Variants in PLEKHG4B observed in about 807,000 individuals in gnomAD.
PLEKHG4B encodes the protein pleckstrin homology and RhoGEF domain containing G4B, also known as pleckstrin homology domain-containing family G member 4B.
Under a neutral mutation model 121.3 loss-of-function variants are expected in PLEKHG4B, and 111 were observed. The observed-to-expected ratio is 0.92, with a 90% confidence interval of 0.78 to 1.07. PLEKHG4B has a LOEUF of 1.07. PLEKHG4B is among the 50% of genes least tolerant of loss of function. PLEKHG4B has a pLI of 0.00. For missense variants in PLEKHG4B, 1,831 were observed against 1,757.8 expected, an observed-to-expected ratio of 1.04 and a Z score of -0.74; for synonymous variants, 738 against 725.0, an observed-to-expected ratio of 1.02 and a Z score of -0.29.
intron 1 of PLEKHG4B, among the ~76,000 whole-genome samples, chr5:93,963 T>A (rs1435368728): frequency 1.3e-5 from 2 of 152,168 alleles, no homozygotes; most frequent in Admixed American, 1.3e-4. Flanking sequence ...ACTGCCTCCC[T>A]CCTTCCAAAC....
At chr5:122,970 C>G (rs761296819) in intron 2 of PLEKHG4B, among the ~76,000 whole-genome samples, 25 of 151,932 alleles carry the variant, frequency 1.6e-4, no homozygotes, top group Non-Finnish European at 3.1e-4. Context: ...GATTTTTTAC[C>G]CTCTCCTCTC....
intron 13 of PLEKHG4B, among the ~76,000 whole-genome samples, chr5:166,391 C>T (rs1483896236): frequency 1.5e-4 from 18 of 116,144 alleles, no homozygotes; most frequent in Admixed American, 4.9e-4. Context: ...CACAGTAATC[C>T]TCTGACGGGG....
At chr5:97,629 G>A (rs1000077255) in intron 1 of PLEKHG4B, among the ~76,000 whole-genome samples, 4 of 152,140 alleles carry the variant, frequency 2.6e-5, no homozygotes, top group East Asian at 1.9e-4. Context: ...TCGGTATTTC[G>A]TATCTTTTCA....
At chr5:105,623 C>T (rs9986204) in intron 1 of PLEKHG4B, among the ~76,000 whole-genome samples, 4 of 152,206 alleles carry the variant, frequency 2.6e-5, no homozygotes, top group East Asian at 1.9e-4. Context: ...AAAGGGAATT[C>T]GCTTTTCGTT....
chr5:96,879 C>A (rs1306535666), intron 1 of PLEKHG4B, among the ~76,000 whole-genome samples: 6 of 152,196 alleles, frequency 3.9e-5, no homozygotes, highest in African/African-American at 1.4e-4. Flanking sequence ...AAAATTAGCA[C>A]AATTTCCACA....
intron 18 of PLEKHG4B, among the ~76,000 whole-genome samples, chr5:174,951 C>T (rs1736708345): frequency 6.6e-6 from 1 of 152,096 alleles, no homozygotes; most frequent in Non-Finnish European, 1.5e-5. Context: ...TGTCCATTTT[C>T]TTCCCCATGG....
chr5:149,488 C>T (rs771100307), intron 6 of PLEKHG4B, among the ~76,000 whole-genome samples: 2 of 152,104 alleles, frequency 1.3e-5, no homozygotes, highest in Non-Finnish European at 2.9e-5. Context: ...CTGCAGTGAG[C>T]CATGGTCATG....
intron 14 of PLEKHG4B, among the ~76,000 whole-genome samples, chr5:169,995 T>C (rs1052187030): frequency 6.6e-6 from 1 of 152,192 alleles, no homozygotes; most frequent in Admixed American, 6.5e-5. Context: ...CCCCATTACC[T>C]GCCAGAGGGA....
chr5:172,817 A>T, intron 16 of PLEKHG4B, 80 bp from the exon 17 acceptor site: 1 of 1,506,762 alleles, frequency 6.6e-7, no homozygotes, highest in Non-Finnish European at 9.2e-7. Flanking sequence ...AAGCTAACAC[A>T]TTTAGACGGA....
At position 183,259 on chromosome 5, in the gene PLEKHG4B, G is replaced by C. The variant is rs977763303; in HGVS notation, c.*936G>C. On this transcript the variant is annotated 3_prime_UTR_variant, in exon 20 of 20. Transcript: ENST00000637938. ...CACTTTATCCCAGAACAAAGCTCCA[G>C]ATGATCTAGGGGTTACCAAAGTGTC... The C allele has an allele frequency of 1.3e-5, 2 of 152,200 alleles. No homozygotes were observed. The highest frequency in any genetic ancestry group is 4.8e-5 in the African/African-American group (2 of 41,438). 9.4% of individuals were successfully genotyped at this position (152,200 alleles called of 1,614,324 possible). A position where few individuals can be genotyped will look rare whatever the true frequency, so the allele number is the denominator to read the frequency against.
chr5:118,901 A>T lies in PLEKHG4B; in HGVS notation c.243+5453A>T, dbSNP rs1027986936. On this transcript the variant is annotated intron_variant, in intron 2 of 19. Coordinates refer to ENST00000637938, the MANE Select transcript of PLEKHG4B (RefSeq NM_052909.5). ...GGTCTCACTCTGTCACCCAGGCTGG[A>T]GTGCAGTGGTGCGATCATGGCTCAC... Among the ~76,000 whole-genome samples, 3 of 150,678 alleles carry T rather than the reference A, an allele frequency of 2.0e-5. No homozygotes were observed. In the East Asian group the frequency reaches 5.9e-4, roughly 29 times the overall value.
At position 163,146 on chromosome 5, in the gene PLEKHG4B, C is replaced by A; in HGVS notation, c.3074C>A (p.Thr1025Asn). 1 of 1,551,252 alleles carries A rather than the reference C, an allele frequency of 6.4e-7. No homozygotes were observed. Among genetic ancestry groups the A allele is most frequent in the Admixed American group, 1.9e-5 (1 of 52,006 alleles). ...RALLCGQDGE[T>N]LRPGLCALWD... ...CTTCTGTGTGGACAGGACGGGGAGA[C>A]CCTGCGCCCAGGGCTGTGTGCTCTG... is the stretch of plus-strand genomic sequence containing the variant. The change falls in exon 13 of 20, where the codon ACC becomes AAC. Residue 1025 changes from threonine (T) to asparagine (N), a missense_variant. Coordinates refer to ENST00000637938, the MANE Select transcript of PLEKHG4B (RefSeq NM_052909.5).
rs78944219 is a variant in PLEKHG4B, at chr5:161,556, A to C, written c.2488-227A>C. On this transcript the variant is annotated intron_variant, in intron 11 of 19. Coordinates refer to ENST00000637938, the MANE Select transcript of PLEKHG4B (RefSeq NM_052909.5). ...AGAGTGTGACTTCTTCGCATGTTTA[A>C]ATATAAAATGTTCTTCCCCTGTGTA... Among the ~76,000 whole-genome samples the C allele has an allele frequency of 5.4e-4, 82 of 152,264 alleles. No individual in the cohort carries two copies. In the East Asian group the frequency reaches 0.013, roughly 25 times the overall value.
chr5:157,173 G>C lies in PLEKHG4B; in HGVS notation c.2487+262G>C, dbSNP rs958095265. 8.0e-6 allele frequency: 4 copies of C among 497,912 alleles called. No individual in the cohort carries two copies. The highest frequency in any genetic ancestry group is 1.5e-5 in the Non-Finnish European group (4 of 273,632). The allele number at this position is 497,912 out of a possible 1,614,324, so 30.8% of individuals were successfully genotyped here. On this transcript the variant is annotated intron_variant, in intron 11 of 19. Transcript: ENST00000637938. The surrounding 1 kb of genome is among the most constrained non-coding windows in gnomAD (Gnocchi z 4.6). ...CCAGGGAGAAAAATAATTTCACACT[G>C]TGCCTTCTGATGCTACCAGTGTGAA... is the stretch of plus-strand genomic sequence containing the variant.
At chr5:181,807 C>T (rs544093290) in intron 19 of PLEKHG4B, 132 bp downstream of exon 19, 31 of 1,330,114 alleles carry the variant, frequency 2.3e-5, no homozygotes, top group East Asian at 1.4e-4. Context: ...GTCAAGGACA[C>T]GGGTACGGTG....
rs535701743 is a variant in PLEKHG4B at position 156,738 on chromosome 5, G to T, written c.2349-35G>T. 5 of 1,531,150 alleles carry T rather than the reference G, an allele frequency of 3.3e-6. No individual in the cohort carries two copies. Among genetic ancestry groups the T allele is most frequent in the African/African-American group, 1.4e-5 (1 of 72,616 alleles). The allele number at this position is 1,531,150 out of a possible 1,614,324, so 94.8% of individuals were successfully genotyped here. ...CCAAGAGCAGATTCCTCAAGGGGCC[G>T]CCTGGAAGCCTGAGGACTGCCTTCT... On this transcript the variant is annotated intron_variant, in intron 10 of 19. Coordinates refer to ENST00000637938, the MANE Select transcript of PLEKHG4B (RefSeq NM_052909.5). The surrounding 1 kb of genome is among the most constrained non-coding windows in gnomAD (Gnocchi z 4.4).
rs1735282379 is a variant in PLEKHG4B, at chr5:143,144, C to G, written c.1575C>G (p.His525Gln). The G allele has an allele frequency of 1.2e-6, 2 of 1,612,628 alleles. No homozygotes were observed. The highest frequency in any genetic ancestry group is 1.7e-6 in the Non-Finnish European group (2 of 1,179,982). The change falls in exon 4 of 20, where the codon CAC becomes CAG. Residue 525 changes from histidine to glutamine, a missense_variant. By Grantham distance (24) the His-to-Gln change is conservative. Transcript: ENST00000637938. ...CCGATGTGCCTGCCCGGCAGCCACA[C>G]CCCGAGCAAGAAGGGTGGCCACCCG... is the stretch of plus-strand genomic sequence containing the variant. ...GPSDVPARQP[H>Q]PEQEGWPPGT... is the part of the protein sequence containing the mutation.
chr5:174,354 C>G (rs1736685760), intron 18 of PLEKHG4B, among the ~76,000 whole-genome samples: 3 of 67,366 alleles, frequency 4.5e-5, no homozygotes. Context: ...GGGCTGGAGA[C>G]TGAGTCCAGG....
At chr5:170,185 C>G (rs1458836177) in intron 14 of PLEKHG4B, among the ~76,000 whole-genome samples, 1 of 152,242 alleles carries the variant, frequency 6.6e-6, no homozygotes, top group African/African-American at 2.4e-5. Flanking sequence ...AGGCTTTCAA[C>G]AGGCATTCAC....
Sources: allele counts gnomAD v4.1 joint callset (sites outside exome capture counted in the v4.1 genomes callset), GRCh38; gene constraint gnomAD v4.1.1; non-coding constraint Gnocchi (gnomAD v3.1); transcripts MANE v1.5; gene names NCBI Gene and HGNC (gene_info 2026-07-23, HGNC 2026-07-21).